The following PSME4 variants were observed in gnomAD, a reference collection of about 807,000 sequenced individuals.
PSME4 encodes proteasome activator complex subunit 4.
A neutral mutation model predicts 253.9 loss-of-function variants in PSME4; 89 were observed. That is an observed-to-expected ratio of 0.35 (90% CI 0.30 to 0.42). The LOEUF is 0.42. PSME4 is among the 10% of genes least tolerant of loss of function. PSME4 has a pLI of 1.00. For synonymous variants in PSME4, 851 were observed against 759.2 expected, an observed-to-expected ratio of 1.12 and a Z score of -1.99; for missense variants, 2,014 against 2,195.2, an observed-to-expected ratio of 0.92 and a Z score of 1.65.
intron 17 of PSME4, among the ~76,000 whole-genome samples, chr2:53,921,606 C>T (rs1178197598): frequency 2.0e-5 from 3 of 147,072 alleles, no homozygotes; most frequent in East Asian, 2.1e-4. Flanking sequence ...CGGTGGCTCA[C>T]GCCTGTAATC....
At chr2:53,931,262 T>C (rs983067506) in intron 10 of PSME4, among the ~76,000 whole-genome samples, 6 of 151,820 alleles carry the variant, frequency 4.0e-5, no homozygotes, top group African/African-American at 1.5e-4. Context: ...TACAGCAAAA[T>C]TTCATCTCAA....
rs912756788 is a variant in PSME4 at position 53,941,127 on chromosome 2, A to T, written c.501-1127T>A. ...GGAACTAATCTGCAAAGAAATTCCA[A>T]GGAATAACAGAGAGCAAACTCATCA... On this transcript the variant is annotated intron_variant, in intron 3 of 46. Coordinates refer to ENST00000404125, the MANE Select transcript of PSME4 (RefSeq NM_014614.3). Among the ~76,000 whole-genome samples the T allele has an allele frequency of 2.7e-5, 4 of 145,824 alleles. No individual in the cohort carries two copies. The East Asian group carries it at 7.9e-4, about 29-fold the overall frequency.
intron 20 of PSME4, among the ~76,000 whole-genome samples, chr2:53,914,077 G>T (rs188217551): frequency 4.6e-5 from 7 of 152,278 alleles, no homozygotes; most frequent in Admixed American, 3.3e-4. Context: ...AGATCCTAAG[G>T]ATGATTTAAC....
At chr2:53,967,361 T>C (rs1324855968) in intron 1 of PSME4, among the ~76,000 whole-genome samples, 1 of 151,398 alleles carries the variant, frequency 6.6e-6, no homozygotes, top group Non-Finnish European at 1.5e-5. Flanking sequence ...AAGAAAAAAG[T>C]CAAAAAGAAG....
chr2:53,937,352 C>T (rs1298881764), intron 5 of PSME4, 39 bp downstream of exon 5: 2 of 1,477,250 alleles, frequency 1.4e-6, no homozygotes, highest in South Asian at 2.5e-5. Context: ...GTATTTCCTA[C>T]CGTATTTTTA....
chr2:53,944,081 T>C (rs907026302), intron 3 of PSME4, among the ~76,000 whole-genome samples: 2 of 152,214 alleles, frequency 1.3e-5, no homozygotes, highest in Admixed American at 6.5e-5. Context: ...TTTTAAAAGA[T>C]CAGTTTTTAA....
intron 3 of PSME4, among the ~76,000 whole-genome samples, chr2:53,940,249 G>T (rs550302771): frequency 1.5e-4 from 23 of 152,164 alleles, no homozygotes; most frequent in Admixed American, 6.5e-4. Flanking sequence ...GTTACACTGG[G>T]AAAAGAACAA....
chr2:53,903,790 C>T (rs1236483820), intron 27 of PSME4, among the ~76,000 whole-genome samples: 1 of 152,042 alleles, frequency 6.6e-6, no homozygotes, highest in East Asian at 1.9e-4. Flanking sequence ...AATGAGTCTC[C>T]TCATATTAGT....
chr2:53,934,584 C>T (rs772513535), intron 8 of PSME4, 21 bp downstream of exon 8: 1 of 1,592,736 alleles, frequency 6.3e-7, no homozygotes. Flanking sequence ...CTACAGAAAA[C>T]AAATATAATG....
chr2:53,935,897 G>GTTTTTTTTTTTTTTTTTTTTT (rs80151181), intron 7 of PSME4, among the ~76,000 whole-genome samples, 190 bp downstream of exon 7: 1 of 145,142 alleles, frequency 6.9e-6, no homozygotes. Flanking sequence ...TGTTCAAAAT[G>GTTTTTTTTTTTTTTTTTTTTT]TTTTTTTTTT....
At chr2:53,934,999 T>C (rs1341154392) in intron 7 of PSME4, among the ~76,000 whole-genome samples, 1 of 152,230 alleles carries the variant, frequency 6.6e-6, no homozygotes, top group Non-Finnish European at 1.5e-5. Context: ...TGTGATTATT[T>C]ATGGCTAAAT....
chr2:53,967,623 G>A (rs1030157069), intron 1 of PSME4, among the ~76,000 whole-genome samples: 2 of 115,480 alleles, frequency 1.7e-5, no homozygotes, highest in African/African-American at 3.3e-5. Flanking sequence ...ACTATCTTGT[G>A]TCTGGGCAAC....
intron 8 of PSME4, 56 bp from the exon 9 acceptor site, chr2:53,932,816 G>A: frequency 7.3e-7 from 1 of 1,374,650 alleles, no homozygotes; most frequent in Non-Finnish European, 1.0e-6. Context: ...TAAAAACAGA[G>A]GTCAACAGGC....
At chr2:53,950,327 A>G (rs1382977784) in intron 1 of PSME4, among the ~76,000 whole-genome samples, 1 of 151,836 alleles carries the variant, frequency 6.6e-6, no homozygotes, top group Non-Finnish European at 1.5e-5. Flanking sequence ...ATCTTATGGT[A>G]ACTGAGTTAT....
Position 53,899,868 on chromosome 2 carries a change from A to G in PSME4, c.3422+13T>C. Reference sequence around the variant, plus strand: ...ATAATGTCATCTATTGAAGTACACCATTCATCAATTACCTTAGGGCATCGG... The same window carrying G: ...ATAATGTCATCTATTGAAGTACACCGTTCATCAATTACCTTAGGGCATCGG... On this transcript the variant is annotated intron_variant, in intron 29 of 46. Coordinates refer to ENST00000404125, the MANE Select transcript of PSME4 (RefSeq NM_014614.3). 6.2e-7 allele frequency: 1 copy of G among 1,611,534 alleles called. No homozygotes were observed. Among genetic ancestry groups the G allele is most frequent in the Non-Finnish European group, 8.5e-7 (1 of 1,179,184 alleles).
At chr2:53,910,496 G>A (rs1295349047) in intron 20 of PSME4, among the ~76,000 whole-genome samples, 1 of 152,214 alleles carries the variant, frequency 6.6e-6, no homozygotes, top group Non-Finnish European at 1.5e-5. Context: ...ATATAGAGCT[G>A]ACAAGCTTAT....
chr2:53,926,320 G>A (rs1668555255), intron 12 of PSME4, among the ~76,000 whole-genome samples: 1 of 152,168 alleles, frequency 6.6e-6, no homozygotes, highest in Admixed American at 6.5e-5. Flanking sequence ...TTTTTGCAAA[G>A]TCTAGTCTCT....
intron 1 of PSME4, among the ~76,000 whole-genome samples, chr2:53,965,698 C>G (rs1670698406): frequency 6.7e-6 from 1 of 148,550 alleles, no homozygotes. Context: ...CAGAGTCTCG[C>G]TCTGTCGCCC....
At chr2:53,923,020 A>G (rs770696256) in intron 16 of PSME4, 29 bp downstream of exon 16, 7 of 1,437,066 alleles carry the variant, frequency 4.9e-6, no homozygotes, top group African/African-American at 2.9e-5. Flanking sequence ...CCAAAATTGT[A>G]AAGAGAGAAT....
Sources: gnomAD v4.1 joint callset for allele counts (sites outside exome capture counted in the v4.1 genomes callset) on GRCh38, gnomAD v4.1.1 for gene constraint, MANE v1.5 for transcripts, NCBI Gene and HGNC (gene_info 2026-07-23, HGNC 2026-07-21) for gene names.